The following PPIL4 variants were observed in gnomAD, a reference collection of about 807,000 sequenced individuals.
PPIL4 encodes the protein peptidyl-prolyl cis-trans isomerase-like 4.
A neutral mutation model predicts 69.1 loss-of-function variants in PPIL4; 50 were observed. The ratio of observed to expected loss-of-function variants is 0.72; its 90% CI spans 0.58 to 0.92. The LOEUF (loss-of-function observed/expected upper bound fraction) is 0.92. Among genes scored for constraint, PPIL4 ranks in the 40% least tolerant of loss-of-function variants. The pLI is 0.00. For missense variants in PPIL4, 480 were observed against 587.9 expected (o/e 0.82, Z 1.90); for synonymous variants, 193 against 191.6 (o/e 1.01, Z -0.06).
intron 8 of PPIL4, among the ~76,000 whole-genome samples, chr6:149,525,435 C>T (rs1028392079): frequency 4.6e-5 from 7 of 152,204 alleles, no homozygotes; most frequent in African/African-American, 1.7e-4. Flanking sequence ...TATAGGCCTA[C>T]AGTCCTAAAT....
intron 12 of PPIL4, among the ~76,000 whole-genome samples, chr6:149,507,290 A>G (rs767054060): frequency 8.5e-5 from 13 of 152,384 alleles, no homozygotes; most frequent in Middle Eastern, 3.4e-3. Context: ...GGATTGTTAT[A>G]GTAATAATCA....
intron 10 of PPIL4, among the ~76,000 whole-genome samples, chr6:149,518,455 A>C (rs1203137567): frequency 6.6e-6 from 1 of 152,228 alleles, no homozygotes; most frequent in Non-Finnish European, 1.5e-5. Flanking sequence ...TAAATGTAGA[A>C]GTAAAACAAA....
chr6:149,534,411 G>GA lies in PPIL4; in HGVS notation c.561+266dup, dbSNP rs146442020. 1.5e-3 allele frequency among the ~76,000 whole-genome samples: 226 copies of GA among 152,232 alleles called. 1 individual carries two copies. The highest frequency in any genetic ancestry group is 5.1e-3 in the African/African-American group (211 of 41,538). The stretch of plus-strand genomic sequence containing the variant: ...AGATAACAGTTTAATTTGATGACAA[G>GA]AAAAACACTTTCCCAAGGTGTTCAT... On this transcript the variant is annotated intron_variant, in intron 6 of 12. Coordinates refer to ENST00000253329, the MANE Select transcript of PPIL4 (RefSeq NM_139126.4).
chr6:149,544,856 A>G (rs1481888349), intron 1 of PPIL4, among the ~76,000 whole-genome samples: 5 of 152,170 alleles, frequency 3.3e-5, no homozygotes, highest in Admixed American at 1.3e-4. Flanking sequence ...TAGTTATTGT[A>G]CAATATTGCA....
At chr6:149,544,092 A>C (rs1297527783) in intron 1 of PPIL4, among the ~76,000 whole-genome samples, 1 of 151,890 alleles carries the variant, frequency 6.6e-6, no homozygotes, top group Non-Finnish European at 1.5e-5. Context: ...CTGCTTGTTA[A>C]TTGGGTGGGG....
intron 4 of PPIL4, among the ~76,000 whole-genome samples, chr6:149,538,554 C>A (rs1288936388): frequency 6.6e-6 from 1 of 152,114 alleles, no homozygotes; most frequent in East Asian, 1.9e-4. Context: ...CATTGAAAAC[C>A]TTCTGAAAAA....
chr6:149,542,306 C>T (rs140206262), intron 1 of PPIL4, among the ~76,000 whole-genome samples: 8 of 152,210 alleles, frequency 5.3e-5, no homozygotes, highest in African/African-American at 1.4e-4. Flanking sequence ...AATAGTTAAA[C>T]AGCCCTTTAT....
chr6:149,515,508 A>G (rs1776930911), intron 11 of PPIL4, among the ~76,000 whole-genome samples: 1 of 152,150 alleles, frequency 6.6e-6, no homozygotes, highest in African/African-American at 2.4e-5. Context: ...TCTTTGCAAT[A>G]TTTATTTGCA....
intron 9 of PPIL4, among the ~76,000 whole-genome samples, chr6:149,524,008 T>C (rs144130276): frequency 5.9e-5 from 9 of 152,352 alleles, no homozygotes; most frequent in Admixed American, 1.3e-4. Flanking sequence ...CTAGGCCTTA[T>C]TGCTGTGTCT....
intron 1 of PPIL4, among the ~76,000 whole-genome samples, chr6:149,542,633 G>A (rs891087416): frequency 6.7e-6 from 1 of 150,352 alleles, no homozygotes; most frequent in Non-Finnish European, 1.5e-5. Flanking sequence ...TAACATGTGT[G>A]CCACTTATTT....
In PPIL4 at chr6:149,511,301, C is replaced by T. The variant is rs1776837853; in HGVS notation, c.1227+854G>A. ...CCAGGCTGGAGGGCAGTGGCATGAT[C>T]TGGGCTCACTGCAGCCTCTACCTCC... On this transcript the variant is annotated intron_variant, in intron 12 of 12. Coordinates refer to ENST00000253329, the MANE Select transcript of PPIL4 (RefSeq NM_139126.4). Among the ~76,000 whole-genome samples, 3 of 152,008 alleles carry T rather than the reference C, an allele frequency of 2.0e-5. No homozygotes were observed. The South Asian group carries it at 6.2e-4, about 31-fold the overall frequency.
chr6:149,506,385 T>C (rs991805452), intron 12 of PPIL4, among the ~76,000 whole-genome samples: 5 of 152,096 alleles, frequency 3.3e-5, no homozygotes, highest in African/African-American at 1.2e-4. Flanking sequence ...GGCAGGAGAA[T>C]TGCTTGAACC....
Position 149,512,786 on chromosome 6 carries a change from G to A in PPIL4, c.1080-484C>T, listed in dbSNP as rs1328286843. On this transcript the variant is annotated intron_variant, in intron 11 of 12. Transcript: ENST00000253329. ...GAGACGGAGTCTTGCCCTGTTGCCC[G>A]AGCTGGAGTGCAGTGGCGCGATCTC... is the stretch of plus-strand genomic sequence containing the variant. Among the ~76,000 whole-genome samples the A allele has an allele frequency of 2.6e-5, 4 of 151,866 alleles. No homozygotes were observed. In the East Asian group the frequency reaches 7.8e-4, roughly 30 times the overall value.
At chr6:149,520,261 G>A (rs1777008947) in intron 10 of PPIL4, among the ~76,000 whole-genome samples, 1 of 152,114 alleles carries the variant, frequency 6.6e-6, no homozygotes, top group Non-Finnish European at 1.5e-5. Flanking sequence ...AAAAAATGTA[G>A]GGGAAAGTTA....
At chr6:149,542,772 G>C (rs76356487) in intron 1 of PPIL4, among the ~76,000 whole-genome samples, 5,052 of 152,212 alleles carry the variant, frequency 0.033, 302 homozygotes, top group African/African-American at 0.11. Flanking sequence ...AGAGAGTGAA[G>C]GGTGAGCATT....
At position 149,512,293 on chromosome 6, in the gene PPIL4, G is replaced by A. The variant is rs368515515; in HGVS notation, c.1089C>T (p.Tyr363=). 1.2e-5 allele frequency: 20 copies of A among 1,610,502 alleles called. No homozygotes were observed. Among genetic ancestry groups the A allele is most frequent in the Admixed American group, 6.7e-5 (4 of 59,730 alleles). Residue 363 remains tyrosine (Y), a synonymous_variant, in exon 12 of 13, where the codon TAC becomes TAT. Transcript: ENST00000253329. ...DKVKPKQDTK[Y]DLILDEQAED... is the part of the protein sequence containing the mutation. ...CGGCCTGCTCATCTAATATAAGATC[G>A]TATTTTGTACTGCAGTAGTTAGTTA...
chr6:149,544,442 C>A (rs1226384782), intron 1 of PPIL4, among the ~76,000 whole-genome samples: 1 of 152,154 alleles, frequency 6.6e-6, no homozygotes, highest in African/African-American at 2.4e-5. Flanking sequence ...AGACATTGTA[C>A]TGGGTACTCA....
chr6:149,524,596 G>A (rs12153946), intron 9 of PPIL4, among the ~76,000 whole-genome samples: 1 of 152,134 alleles, frequency 6.6e-6, no homozygotes, highest in Non-Finnish European at 1.5e-5. Context: ...GCTTTACTTA[G>A]AACTTAAAAA....
chr6:149,541,828 G>A (rs943319219), intron 1 of PPIL4, among the ~76,000 whole-genome samples: 2 of 152,008 alleles, frequency 1.3e-5, no homozygotes, highest in Non-Finnish European at 2.9e-5. Context: ...TGGCCAATAT[G>A]GTGAAACCCT....
Sources: allele counts gnomAD v4.1 joint callset (sites outside exome capture counted in the v4.1 genomes callset), GRCh38; gene constraint gnomAD v4.1.1; transcripts MANE v1.5; gene names NCBI Gene and HGNC (gene_info 2026-07-23, HGNC 2026-07-21).